TYW1B: variants seen among roughly 807,000 people sequenced by gnomAD.
The protein encoded by TYW1B is tRNA-yW synthesizing protein 1 homolog B, also known as S-adenosyl-L-methionine-dependent tRNA 4-demethylwyosine synthase TYW1B.
Under a neutral mutation model 86.9 loss-of-function variants are expected in TYW1B, and 73 were observed. That is an observed-to-expected ratio of 0.84 (90% CI 0.70 to 1.02). The LOEUF is 1.02. TYW1B is among the 50% of genes least tolerant of loss of function. The probability of loss-of-function intolerance (pLI) is 0.00; values close to 1 mark genes in which losing one functional copy is unlikely to be tolerated. For missense variants in TYW1B, 637 were observed against 827.4 expected (o/e 0.77, Z 2.82); for synonymous variants, 248 against 292.8 (o/e 0.85, Z 1.56).
intron 11 of TYW1B, among the ~76,000 whole-genome samples, chr7:72,637,762 C>A (rs1288275889): frequency 6.7e-6 from 1 of 149,764 alleles, no homozygotes; most frequent in Non-Finnish European, 1.5e-5. Context: ...TGATTTTTAA[C>A]CTATTTCCTT....
At chr7:72,823,635 A>T (rs1788873463) in intron 2 of TYW1B, among the ~76,000 whole-genome samples, 1 of 151,844 alleles carries the variant, frequency 6.6e-6, no homozygotes, top group Non-Finnish European at 1.5e-5. Context: ...ATAAATAAAT[A>T]AAAAATAAAT....
In TYW1B at chr7:72,777,322, C is replaced by T; in HGVS notation, c.964+94G>A. On this transcript the variant is annotated intron_variant, in intron 7 of 13. Transcript: ENST00000620995. ...CTGTTATATCTGCCACTATGAACAG[C>T]TGCTGAGCTAATTAGAGAGAGACTT... is the stretch of plus-strand genomic sequence containing the variant. The T allele has an allele frequency of 5.6e-6, 8 of 1,439,906 alleles. 1 individual carries two copies. The South Asian group carries it at 1.0e-4, about 18-fold the overall frequency. 89.2% of individuals were successfully genotyped at this position (1,439,906 alleles called of 1,614,324 possible).
chr7:72,734,404 A>T (rs1326935887), intron 8 of TYW1B, among the ~76,000 whole-genome samples: 1 of 152,194 alleles, frequency 6.6e-6, no homozygotes, highest in Non-Finnish European at 1.5e-5. Flanking sequence ...AATTTTCGAC[A>T]AAGGTGCCAA....
At chr7:72,778,382 C>T (rs1183400086) in intron 6 of TYW1B, among the ~76,000 whole-genome samples, 2 of 152,158 alleles carry the variant, frequency 1.3e-5, no homozygotes, top group Non-Finnish European at 2.9e-5. Flanking sequence ...TCTAAGCCAC[C>T]CTGAGAGCCA....
At chr7:72,603,181 T>C (rs1483683929) in intron 13 of TYW1B, among the ~76,000 whole-genome samples, 2 of 146,100 alleles carry the variant, frequency 1.4e-5, no homozygotes, top group Non-Finnish European at 3.0e-5. Context: ...GATGGATGGA[T>C]AGATGGATGA....
chr7:72,575,146 T>G lies in TYW1B; in HGVS notation c.*352A>C, dbSNP rs1327075653. The G allele has an allele frequency of 9.3e-7, 1 of 1,077,508 alleles. No individual in the cohort carries two copies. Among genetic ancestry groups the G allele is most frequent in the African/African-American group, 1.6e-5 (1 of 60,638 alleles). The allele number at this position is 1,077,508 out of a possible 1,614,324, so 66.7% of individuals were successfully genotyped here. ...AGGTGAGGGGAAGAGGCCCAGGGAT[T>G]TCTTCCTTGTCTGACACTCTCAGGA... On this transcript the variant is annotated 3_prime_UTR_variant, in exon 14 of 14. Transcript: ENST00000620995.
intron 11 of TYW1B, among the ~76,000 whole-genome samples, chr7:72,646,616 T>C (rs1406122679): frequency 1.3e-5 from 2 of 152,106 alleles, no homozygotes; most frequent in Non-Finnish European, 2.9e-5. Context: ...TCAAGCGATC[T>C]GCCTGCCTCG....
intron 13 of TYW1B, among the ~76,000 whole-genome samples, chr7:72,603,076 A>AAGAC (rs1449414763): frequency 6.6e-6 from 1 of 151,884 alleles, no homozygotes; most frequent in African/African-American, 2.4e-5. Context: ...CAGACACAGA[A>AAGAC]AGACAGACAG....
chr7:72,808,873 C>A (rs1276859254), intron 4 of TYW1B, among the ~76,000 whole-genome samples: 1 of 152,014 alleles, frequency 6.6e-6, no homozygotes, highest in Non-Finnish European at 1.5e-5. Flanking sequence ...GTCACTCACA[C>A]TCCACCAGAG....
chr7:72,682,999 G>T (rs1462148569), intron 11 of TYW1B, among the ~76,000 whole-genome samples: 6 of 152,190 alleles, frequency 3.9e-5, no homozygotes, highest in Admixed American at 3.9e-4. Context: ...TAAGGGGAGG[G>T]AAACAGGAAC....
At chr7:72,762,793 G>A (rs568361269) in intron 7 of TYW1B, among the ~76,000 whole-genome samples, 3 of 152,096 alleles carry the variant, frequency 2.0e-5, no homozygotes, top group East Asian at 1.9e-4. Flanking sequence ...CTGAGTAGCT[G>A]GGACTACAGG....
intron 11 of TYW1B, among the ~76,000 whole-genome samples, chr7:72,674,099 T>G (rs1369943320): frequency 6.6e-6 from 1 of 152,040 alleles, no homozygotes; most frequent in East Asian, 1.9e-4. Flanking sequence ...TAGGGGATGG[T>G]ACAACCCCAC....
intron 11 of TYW1B, among the ~76,000 whole-genome samples, chr7:72,693,588 T>C (rs1814227072): frequency 6.6e-6 from 1 of 151,632 alleles, no homozygotes; most frequent in Non-Finnish European, 1.5e-5. Context: ...AGAGACGGGG[T>C]TTTGCCATGT....
chr7:72,718,792 T>C (rs1459680617), intron 9 of TYW1B, among the ~76,000 whole-genome samples: 38 of 152,310 alleles, frequency 2.5e-4, no homozygotes, highest in Non-Finnish European at 1.5e-4. Context: ...ATCCCCACCA[T>C]GAGCAGCTGA....
At chr7:72,816,442 G>A (rs34394810) in intron 2 of TYW1B, among the ~76,000 whole-genome samples, 18,136 of 152,056 alleles carry the variant, frequency 0.12, 1,983 homozygotes, top group East Asian at 0.33. Flanking sequence ...AAAAGAAGAC[G>A]GTTGACAGAC....
intron 10 of TYW1B, among the ~76,000 whole-genome samples, chr7:72,706,249 A>ATTT (rs1554453626): frequency 3.3e-5 from 5 of 152,066 alleles, no homozygotes; most frequent in Non-Finnish European, 7.4e-5. Flanking sequence ...ACCAACATGG[A>ATTT]GAAACCCGTC....
At chr7:72,658,620 C>G (rs1459812134) in intron 11 of TYW1B, among the ~76,000 whole-genome samples, 1 of 152,032 alleles carries the variant, frequency 6.6e-6, no homozygotes, top group Admixed American at 6.6e-5. Flanking sequence ...TAATTATTTT[C>G]CTTAAAAAGA....
chr7:72,814,645 C>T (rs1351357058), intron 3 of TYW1B, among the ~76,000 whole-genome samples: 1 of 151,984 alleles, frequency 6.6e-6, no homozygotes, highest in African/African-American at 2.4e-5. Context: ...CCTATAGTCT[C>T]AGCTACTTTA....
chr7:72,710,596 C>A (rs1465695981), intron 10 of TYW1B, among the ~76,000 whole-genome samples: 1 of 152,098 alleles, frequency 6.6e-6, no homozygotes, highest in Admixed American at 6.6e-5. Flanking sequence ...GAGGCCGAGG[C>A]GGGTGTATCA....
Sources: allele counts gnomAD v4.1 joint callset (sites outside exome capture counted in the v4.1 genomes callset), GRCh38; gene constraint gnomAD v4.1.1; transcripts MANE v1.5; gene names NCBI Gene and HGNC (gene_info 2026-07-23, HGNC 2026-07-21).